ADPRHL1: variants seen among roughly 807,000 people sequenced by gnomAD.
ADPRHL1 encodes the protein ADP-ribosylhydrolase like 1, also known as inactive ADP-ribosyltransferase ARH2.
Under a neutral mutation model 44.1 loss-of-function variants are expected in ADPRHL1, and 43 were observed. The observed-to-expected ratio is 0.98, with a 90% CI of 0.76 to 1.26. The LOEUF is 1.26. Ranked by LOEUF, ADPRHL1 falls within the 50% of genes most tolerant of loss-of-function variation. ADPRHL1 has a pLI of 0.00. For missense variants in ADPRHL1, 2,022 were observed against 2,496.9 expected (o/e 0.81, Z 4.05); for synonymous variants, 878 against 1,017.4 (o/e 0.86, Z 2.61).
In ADPRHL1 at chr13:113,437,914, T is replaced by G. The variant is rs536125212; in HGVS notation, c.380-4047A>C. Among the ~76,000 whole-genome samples the G allele has an allele frequency of 9.2e-5, 14 of 152,314 alleles. No individual in the cohort carries two copies. The South Asian group carries it at 2.9e-3, about 32-fold the overall frequency. ...CAGCCTAATCTTAGCTCAGTGCACC[T>G]CCGCCTGCCAGGTTCAAGCAGTTCT... is the stretch of plus-strand genomic sequence containing the variant. On this transcript the variant is annotated intron_variant, in intron 2 of 7. Coordinates refer to ENST00000612156, the MANE Select transcript of ADPRHL1 (RefSeq NM_001394807.1).
In ADPRHL1 at chr13:113,400,971, C is replaced by A. The variant is rs2043756780; in HGVS notation, c.*2407G>T. On this transcript the variant is annotated 3_prime_UTR_variant, in exon 8 of 8. Coordinates refer to ENST00000612156, the MANE Select transcript of ADPRHL1 (RefSeq NM_001394807.1). Reference sequence around the variant, plus strand: ...TACTCTCTGGTCTATTTAAAAATAGCAGCGCAAGTCCCACCACTTCTTATT... The same window carrying A: ...TACTCTCTGGTCTATTTAAAAATAGAAGCGCAAGTCCCACCACTTCTTATT... 6.6e-6 allele frequency: 1 copy of A among 152,256 alleles called. No individual in the cohort carries two copies. The highest frequency in any genetic ancestry group is 6.5e-5 in the Admixed American group (1 of 15,288). The allele number at this position is 152,256 out of a possible 1,614,324, so 9.4% of individuals were successfully genotyped here.
chr13:113,411,637 G>C (rs143390955), intron 7 of ADPRHL1, among the ~76,000 whole-genome samples: 74 of 152,322 alleles, frequency 4.9e-4, no homozygotes, highest in African/African-American at 1.6e-3. Flanking sequence ...ACAGAGATCA[G>C]GATGCTCTTC....
chr13:113,433,642 A>C, intron 3 of ADPRHL1, 100 bp downstream of exon 3: 2 of 1,469,212 alleles, frequency 1.4e-6, no homozygotes, highest in Non-Finnish European at 1.8e-6. Context: ...CGGCAGCTCC[A>C]GGCCCCCGCC....
chr13:113,452,317 G>A (rs572671565), intron 1 of ADPRHL1, among the ~76,000 whole-genome samples: 16 of 152,282 alleles, frequency 1.1e-4, no homozygotes, highest in Admixed American at 7.2e-4. Context: ...CAGCTCTCCC[G>A]TTATTTAGGG....
intron 7 of ADPRHL1, among the ~76,000 whole-genome samples, chr13:113,412,764 C>T (rs987572233): frequency 1.9e-4 from 28 of 148,906 alleles, no homozygotes; most frequent in Non-Finnish European, 2.8e-4. Flanking sequence ...GTTCACCCAC[C>T]GCCAACAGCG....
At chr13:113,412,248 A>G (rs1330307751) in intron 7 of ADPRHL1, among the ~76,000 whole-genome samples, 8 of 151,666 alleles carry the variant, frequency 5.3e-5, no homozygotes, top group South Asian at 4.2e-4. Context: ...CGCGATCTCG[A>G]CTCACTGCAA....
chr13:113,435,275 C>G (rs1321557698), intron 2 of ADPRHL1, among the ~76,000 whole-genome samples: 11 of 39,736 alleles, frequency 2.8e-4, no homozygotes, highest in South Asian at 2.8e-3. Flanking sequence ...CCGGCACCCA[C>G]GCATAGAGTG....
chr13:113,442,884 C>T (rs1423675459), intron 2 of ADPRHL1, among the ~76,000 whole-genome samples: 1 of 152,208 alleles, frequency 6.6e-6, no homozygotes, highest in Admixed American at 6.5e-5. Context: ...TGGATTCTTT[C>T]TCTTTGTGTG....
chr13:113,436,413 T>C (rs9796235), intron 2 of ADPRHL1, among the ~76,000 whole-genome samples: 529 of 2,348 alleles, frequency 0.23, 118 homozygotes, highest in East Asian at 0.46. Context: ...CACCCAGGTG[T>C]AGGGTGAACA....
intron 6 of ADPRHL1, among the ~76,000 whole-genome samples, chr13:113,423,705 C>G (rs114077456): frequency 6.6e-6 from 1 of 152,222 alleles, no homozygotes; most frequent in East Asian, 1.9e-4. Context: ...TGGCCAGAGA[C>G]GGCCAGGGCG....
In ADPRHL1 at chr13:113,403,655, G is replaced by T; in HGVS notation, c.5627C>A (p.Thr1876Asn). ...GCTCTTTCCCAGCCCCAGGGGAGAG[G>T]TGGCAATGCTCTTGCCCCTGAGGGG... is the stretch of plus-strand genomic sequence containing the variant. The part of the protein sequence containing the change: ...SRPLRGKSIA[T>N]SPLGLGKSPT... Residue 1876 changes from threonine (T) to asparagine (N), a missense_variant, in exon 8 of 8, where the codon ACC becomes AAC. By Grantham distance (65) the Thr-to-Asn change is moderately conservative. Around this residue, in one of 8 missense-constraint regions of ADPRHL1, gnomAD observed 205 missense variants for 250.1 expected, o/e 0.82. Coordinates refer to ENST00000612156, the MANE Select transcript of ADPRHL1 (RefSeq NM_001394807.1). 10 of 1,231,754 alleles carry T rather than the reference G, an allele frequency of 8.1e-6. No homozygotes were observed. Among genetic ancestry groups the T allele is most frequent in the Non-Finnish European group, 1.0e-5 (10 of 988,062 alleles). The allele number at this position is 1,231,754 out of a possible 1,614,324, so 76.3% of individuals were successfully genotyped here.
rs1409647742 is a variant in ADPRHL1, at chr13:113,441,836, T to C, written c.379+2589A>G. On this transcript the variant is annotated intron_variant, in intron 2 of 7. Coordinates refer to ENST00000612156, the MANE Select transcript of ADPRHL1 (RefSeq NM_001394807.1). This position sits in a 1 kb window ranked among gnomAD's most constrained non-coding sequence, Gnocchi z 6.0. Reference sequence around the variant, plus strand: ...CACACGGGTCCGTGTCTCTGTCACGTTGTGTCCCGCCGCGTGGGTCCGTGT... The same window carrying C: ...CACACGGGTCCGTGTCTCTGTCACGCTGTGTCCCGCCGCGTGGGTCCGTGT... 1.3e-5 allele frequency among the ~76,000 whole-genome samples: 2 copies of C among 151,666 alleles called. No individual in the cohort carries two copies. Among genetic ancestry groups the C allele is most frequent in the East Asian group, 1.9e-4 (1 of 5,156 alleles).
In ADPRHL1 at chr13:113,408,178, G is replaced by A. The variant is rs555614333; in HGVS notation, c.1104C>T (p.Asp368=). 3.8e-4 allele frequency: 474 copies of A among 1,232,028 alleles called. No individual in the cohort carries two copies. Among genetic ancestry groups the A allele is most frequent in the Non-Finnish European group, 4.7e-4 (461 of 987,990 alleles). The allele number at this position is 1,232,028 out of a possible 1,614,324, so 76.3% of individuals were successfully genotyped here. ...CCATCTTCTTCTTCAGGGTTTGGGCGTCCACAGACATGACGTCACTGCAGG... is the reference window on the plus strand; with the variant it reads ...CCATCTTCTTCTTCAGGGTTTGGGCATCCACAGACATGACGTCACTGCAGG... ...SKTCSDVMSV[D]AQTLKKKMGK... The change falls in exon 8 of 8, where the codon GAC becomes GAT. Residue 368 remains aspartate, a synonymous_variant. Transcript: ENST00000612156.
chr13:113,424,700 T>C (rs56014098), intron 5 of ADPRHL1, among the ~76,000 whole-genome samples: 4 of 52,092 alleles, frequency 7.7e-5, no homozygotes, highest in African/African-American at 2.5e-4. Context: ...ACCCATCCAT[T>C]CATCCATTTA....
At chr13:113,413,093 C>T (rs895982383) in intron 7 of ADPRHL1, among the ~76,000 whole-genome samples, 7 of 125,820 alleles carry the variant, frequency 5.6e-5, no homozygotes, top group Admixed American at 7.7e-5. Flanking sequence ...AACAGCGCCC[C>T]GCAGAGCTCG....
chr13:113,433,978 T>C (rs901869489), intron 2 of ADPRHL1, 111 bp from the exon 3 acceptor site: 40 of 1,405,532 alleles, frequency 2.8e-5, no homozygotes, highest in Middle Eastern at 1.9e-4. Context: ...TAATAACATG[T>C]TATCAGAGTG....
In ADPRHL1 at chr13:113,405,920, G is replaced by C. The variant is rs571599323; in HGVS notation, c.3362C>G (p.Ala1121Gly). 2 of 1,231,936 alleles carry C rather than the reference G, an allele frequency of 1.6e-6. No homozygotes were observed. Among genetic ancestry groups the C allele is most frequent in the Non-Finnish European group, 2.0e-6 (2 of 988,082 alleles). 76.3% of individuals were successfully genotyped at this position (1,231,936 alleles called of 1,614,324 possible). ...CGCTGGTGCAGGCGTGGCGCGGCTC[G>C]CAACGCTCCCTGCAGCTGCCATCGC... is the stretch of plus-strand genomic sequence containing the variant. Reference protein sequence around the residue: ...CGAMAAAGSVASRATPAPAPG... With the variant: ...CGAMAAAGSVGSRATPAPAPG... The change falls in exon 8 of 8, where the codon GCG becomes GGG. Residue 1121 changes from alanine to glycine, a missense_variant. Coordinates refer to ENST00000612156, the MANE Select transcript of ADPRHL1 (RefSeq NM_001394807.1).
Position 113,401,599 on chromosome 13 carries a change from G to C in ADPRHL1, c.*1779C>G, listed in dbSNP as rs2043762346. On this transcript the variant is annotated 3_prime_UTR_variant, in exon 8 of 8. Transcript: ENST00000612156. This position sits in a 1 kb window ranked among gnomAD's most constrained non-coding sequence, Gnocchi z 5.5. ...AGAAACCCCTCGAAGCGGGCTGGGA[G>C]CACGGACCCCTGATTTATAGAGGAG... 6.6e-6 allele frequency: 1 copy of C among 152,362 alleles called. No homozygotes were observed. Among genetic ancestry groups the C allele is most frequent in the Non-Finnish European group, 1.5e-5 (1 of 68,276 alleles). The allele number at this position is 152,362 out of a possible 1,614,324, so 9.4% of individuals were successfully genotyped here. A position where few individuals can be genotyped will look rare whatever the true frequency, so the allele number is the denominator to read the frequency against.
chr13:113,432,877 G>T lies in ADPRHL1; in HGVS notation c.505+865C>A, dbSNP rs1489175950. 2.6e-5 allele frequency among the ~76,000 whole-genome samples: 4 copies of T among 152,312 alleles called. No homozygotes were observed. In the East Asian group the frequency reaches 7.7e-4, roughly 29 times the overall value. On this transcript the variant is annotated intron_variant, in intron 3 of 7. Transcript: ENST00000612156. The stretch of plus-strand genomic sequence containing the variant: ...GGGCCAACTGCAGGTCAGGAGTTTT[G>T]AGTCCTTTTTGCTTTTTTTAAATGG...
Sources: allele counts gnomAD v4.1 joint callset (sites outside exome capture counted in the v4.1 genomes callset), GRCh38; gene constraint gnomAD v4.1.1; regional missense constraint gnomAD v4.1.1; non-coding constraint Gnocchi (gnomAD v3.1); transcripts MANE v1.5; gene names NCBI Gene and HGNC (gene_info 2026-07-23, HGNC 2026-07-21).